The following SNX8 variants were observed in gnomAD, a reference collection of about 807,000 sequenced individuals.
SNX8 encodes sorting nexin 8, also known as sorting nexin-8.
In SNX8, 25 loss-of-function variants were observed where a neutral mutation model predicts 51.6. That is an observed-to-expected ratio of 0.48 (90% CI 0.35 to 0.68). The LOEUF (loss-of-function observed/expected upper bound fraction) is 0.68, where lower values mean the gene tolerates loss of function less well. Ranked by LOEUF, SNX8 falls within the 30% of genes least tolerant of loss-of-function variation. The probability of loss-of-function intolerance (pLI) is 0.00; values close to 1 mark genes in which losing one functional copy is unlikely to be tolerated. For missense variants in SNX8, 695 were observed against 624.0 expected, an observed-to-expected ratio of 1.11 and a Z score of -1.21; for synonymous variants, 324 against 277.0, an observed-to-expected ratio of 1.17 and a Z score of -1.68.
At chr7:2,312,971 C>T (rs1463100535) in intron 1 of SNX8, among the ~76,000 whole-genome samples, 1 of 152,114 alleles carries the variant, frequency 6.6e-6, no homozygotes, top group Admixed American at 6.5e-5. Flanking sequence ...TATCTCGGCT[C>T]ACTACAAGCT....
In SNX8 at chr7:2,314,336, G is replaced by A; in HGVS notation, c.86C>T (p.Pro29Leu). ...GCCGCCCCACGCCCTACCTGACGCC[G>A]GGGGATCCGCCTCCTCGTCAGCCTC... is the stretch of plus-strand genomic sequence containing the variant. ...EAEADEEADP[P>L]ASDLPTPQAI... is the part of the protein sequence containing the mutation. Residue 29 changes from proline to leucine, a missense_variant, in exon 1 of 11, where the codon CCG (proline) becomes CTG (leucine). Transcript: ENST00000222990. 1 of 1,222,950 alleles carries A rather than the reference G, an allele frequency of 8.2e-7. No individual in the cohort carries two copies. The highest frequency in any genetic ancestry group is 1.0e-6 in the Non-Finnish European group (1 of 982,120). 75.8% of individuals were successfully genotyped at this position (1,222,950 alleles called of 1,614,324 possible).
chr7:2,281,803 G>A (rs1168669665), intron 1 of SNX8, among the ~76,000 whole-genome samples: 2 of 152,120 alleles, frequency 1.3e-5, no homozygotes, highest in African/African-American at 2.4e-5. Context: ...GCACGCAGCC[G>A]CCTCTGAGCT....
At chr7:2,274,251 G>C (rs1255613135) in intron 3 of SNX8, among the ~76,000 whole-genome samples, 1 of 152,230 alleles carries the variant, frequency 6.6e-6, no homozygotes, top group Non-Finnish European at 1.5e-5. Context: ...TGCTTGCTCA[G>C]TGACCGATGA....
chr7:2,347,205 G>A (rs1418344136), intron 1 of SNX8, among the ~76,000 whole-genome samples: 1 of 152,062 alleles, frequency 6.6e-6, no homozygotes, highest in African/African-American at 2.4e-5. Context: ...CTTTGGGCTG[G>A]GCGCAGTGGC....
intron 1 of SNX8, among the ~76,000 whole-genome samples, chr7:2,349,349 T>C (rs1470303557): frequency 6.6e-6 from 1 of 152,124 alleles, no homozygotes; most frequent in Admixed American, 6.6e-5. Context: ...ACCACCACTA[T>C]CTCCCAAATT....
intron 1 of SNX8, among the ~76,000 whole-genome samples, chr7:2,344,915 T>C (rs1426106166): frequency 6.6e-6 from 1 of 152,184 alleles, no homozygotes; most frequent in East Asian, 1.9e-4. Flanking sequence ...GAATCAGACA[T>C]CTACTTACAT....
chr7:2,330,596 G>A (rs1294598105), intron 1 of SNX8, among the ~76,000 whole-genome samples: 1 of 152,068 alleles, frequency 6.6e-6, no homozygotes, highest in Non-Finnish European at 1.5e-5. Flanking sequence ...TGTGATCAGG[G>A]TCTGGGGGGA....
At chr7:2,320,402 A>G (rs1403911967) in intron 1 of SNX8, among the ~76,000 whole-genome samples, 1 of 152,114 alleles carries the variant, frequency 6.6e-6, no homozygotes, top group African/African-American at 2.4e-5. Context: ...GAACATTTCC[A>G]GAGTATTTAC....
intron 6 of SNX8, 72 bp from the exon 7 acceptor site, chr7:2,263,434 C>G: frequency 6.9e-7 from 1 of 1,450,240 alleles, no homozygotes; most frequent in Non-Finnish European, 9.3e-7. Context: ...GTCTGGCATC[C>G]CCCCCGACAG....
intron 7 of SNX8, among the ~76,000 whole-genome samples, chr7:2,258,609 A>G (rs547835032): frequency 5.9e-5 from 9 of 152,226 alleles, no homozygotes; most frequent in African/African-American, 2.2e-4. Context: ...GTAACAGGAG[A>G]GAGAAACGCA....
chr7:2,303,674 G>A (rs1796468701), intron 1 of SNX8, among the ~76,000 whole-genome samples: 1 of 152,164 alleles, frequency 6.6e-6, no homozygotes, highest in South Asian at 2.1e-4. Flanking sequence ...TGTGCTCTCT[G>A]AAACATGTGC....
intron 1 of SNX8, among the ~76,000 whole-genome samples, chr7:2,331,469 G>A (rs1037141062): frequency 6.6e-6 from 1 of 151,736 alleles, no homozygotes; most frequent in African/African-American, 2.4e-5. Flanking sequence ...CACTTTAGGA[G>A]GTCAAGAGGG....
At chr7:2,304,297 C>CT in intron 1 of SNX8, among the ~76,000 whole-genome samples, 2 of 152,140 alleles carry the variant, frequency 1.3e-5, no homozygotes, top group African/African-American at 4.8e-5. Context: ...GGAATCCCAG[C>CT]ACTTTGGGAG....
chr7:2,307,101 C>G (rs767644830), intron 1 of SNX8, among the ~76,000 whole-genome samples: 2 of 152,082 alleles, frequency 1.3e-5, no homozygotes, highest in Non-Finnish European at 2.9e-5. Context: ...AAAGTGCCTC[C>G]TCCCACCCAG....
chr7:2,327,699 A>ATG, intron 1 of SNX8, among the ~76,000 whole-genome samples: 1 of 129,170 alleles, frequency 7.7e-6, no homozygotes, highest in East Asian at 2.2e-4. Context: ...GAGCCATCGC[A>ATG]CCCGGCCTAA....
chr7:2,328,161 C>A (rs1334324473), intron 1 of SNX8, among the ~76,000 whole-genome samples: 1 of 152,058 alleles, frequency 6.6e-6, no homozygotes, highest in Admixed American at 6.6e-5. Context: ...AAGTGATTCT[C>A]CTGCCTCAGC....
intron 1 of SNX8, among the ~76,000 whole-genome samples, chr7:2,293,274 C>T (rs1281668739): frequency 6.7e-6 from 1 of 149,484 alleles, no homozygotes; most frequent in Non-Finnish European, 1.5e-5. Flanking sequence ...GCCACTGAAA[C>T]AAGCCAAATT....
intron 1 of SNX8, among the ~76,000 whole-genome samples, chr7:2,295,622 A>G (rs1162291855): frequency 1.3e-5 from 2 of 148,916 alleles, no homozygotes; most frequent in African/African-American, 2.5e-5. Context: ...AAAAAAAGGA[A>G]ATGTGTTTCT....
intron 1 of SNX8, among the ~76,000 whole-genome samples, chr7:2,351,492 C>T (rs1441524571): frequency 1.3e-5 from 2 of 151,646 alleles, no homozygotes; most frequent in African/African-American, 4.8e-5. Flanking sequence ...TGAGGTGCGA[C>T]GGCACCACTG....
Sources: gnomAD v4.1 joint callset for allele counts (sites outside exome capture counted in the v4.1 genomes callset) on GRCh38, gnomAD v4.1.1 for gene constraint, MANE v1.5 for transcripts, NCBI Gene and HGNC (gene_info 2026-07-23, HGNC 2026-07-21) for gene names.